Variants in USH2A observed in about 807,000 individuals in gnomAD.
USH2A encodes usherin.
Under a neutral mutation model 538.9 loss-of-function variants are expected in USH2A, and 443 were observed. The ratio of observed to expected loss-of-function variants is 0.82; its 90% CI spans 0.76 to 0.89. USH2A has a LOEUF of 0.89. USH2A is among the 40% of genes least tolerant of loss of function. USH2A has a pLI of 0.00. For missense variants in USH2A, 6,633 were observed against 6,324.8 expected (o/e 1.05, Z -1.65); for synonymous variants, 2,413 against 2,273.5 (o/e 1.06, Z -1.75).
At chr1:216,342,061 C>G (rs547167857) in intron 4 of USH2A, among the ~76,000 whole-genome samples, 1 of 152,200 alleles carries the variant, frequency 6.6e-6, no homozygotes, top group African/African-American at 2.4e-5. Flanking sequence ...GAGTAGGCAA[C>G]CTACAGAATG....
chr1:216,398,349 CGTT>C (rs972950026), intron 3 of USH2A, among the ~76,000 whole-genome samples: 89 of 152,248 alleles, frequency 5.8e-4, no homozygotes, highest in African/African-American at 2.0e-3. Flanking sequence ...CCCTAGTTTT[CGTT>C]GTTGTTTTAA....
chr1:216,031,597 A>G (rs1213756073), intron 32 of USH2A, among the ~76,000 whole-genome samples: 1 of 152,100 alleles, frequency 6.6e-6, no homozygotes, highest in African/African-American at 2.4e-5. Context: ...AGCTACACAG[A>G]CTCAGTCTTC....
intron 21 of USH2A, among the ~76,000 whole-genome samples, chr1:216,149,062 C>T (rs1249259862): frequency 6.6e-6 from 1 of 152,114 alleles, no homozygotes; most frequent in Non-Finnish European, 1.5e-5. Flanking sequence ...TTCTACAGAA[C>T]AACTCCTTTC....
chr1:216,044,732 C>T (rs1055352601), intron 32 of USH2A, among the ~76,000 whole-genome samples: 2 of 152,080 alleles, frequency 1.3e-5, no homozygotes, highest in Non-Finnish European at 2.9e-5. Flanking sequence ...TCAACACAGC[C>T]GGAATGCTTG....
intron 11 of USH2A, among the ~76,000 whole-genome samples, chr1:216,280,935 T>C (rs921879426): frequency 1.3e-5 from 2 of 152,188 alleles, no homozygotes; most frequent in African/African-American, 2.4e-5. Flanking sequence ...AGGATTGAAA[T>C]TGCATGAATT....
In USH2A at chr1:216,150,967, A is replaced by C. The variant is rs577919234; in HGVS notation, c.4627+24285T>G. ...TACTGACAAACTTAAAAACATTAGC[A>C]GTAATTATTGCTTAGGAAGACACGT... On this transcript the variant is annotated intron_variant, in intron 21 of 71. Transcript: ENST00000307340. Among the ~76,000 whole-genome samples, 5 of 152,128 alleles carry C rather than the reference A, an allele frequency of 3.3e-5. No individual in the cohort carries two copies. The East Asian group carries it at 9.7e-4, about 29-fold the overall frequency.
chr1:215,824,793 C>G (rs1225795521), intron 47 of USH2A, among the ~76,000 whole-genome samples: 1 of 152,112 alleles, frequency 6.6e-6, no homozygotes, highest in Non-Finnish European at 1.5e-5. Context: ...TCGCACTTTT[C>G]CAGTGCAGAA....
Position 215,970,736 on chromosome 1 carries a change from T to C in USH2A, c.6846A>G (p.Leu2282=), listed in dbSNP as rs1340194602. The change falls in exon 36 of 72, where the codon TTA becomes TTG. Residue 2282 remains leucine, a synonymous_variant. Transcript: ENST00000307340. Reference sequence around the variant, plus strand: ...AGCTGAGTTCTGAGGAATTGTGGATTAATATACCATCTAGATATAATCCAT... The same window carrying C: ...AGCTGAGTTCTGAGGAATTGTGGATCAATATACCATCTAGATATAATCCAT... ...TSYGLYLDGI[L]IHNSSELSYR... is the part of the protein sequence containing the mutation. The C allele has an allele frequency of 1.9e-6, 3 of 1,613,650 alleles. No homozygotes were observed. The highest frequency in any genetic ancestry group is 3.3e-4 in the Middle Eastern group (2 of 6,056).
chr1:215,637,987 A>G (rs1656550956), intron 69 of USH2A, among the ~76,000 whole-genome samples: 1 of 152,192 alleles, frequency 6.6e-6, no homozygotes, highest in Non-Finnish European at 1.5e-5. Flanking sequence ...ACTATGAGTA[A>G]AACTCAGTTT....
At chr1:215,709,455 CA>C (rs1199153095) in intron 61 of USH2A, among the ~76,000 whole-genome samples, 1 of 151,978 alleles carries the variant, frequency 6.6e-6, no homozygotes, top group Non-Finnish European at 1.5e-5. Context: ...CTTCCTTCAG[CA>C]AACCTATTAT....
intron 70 of USH2A, among the ~76,000 whole-genome samples, chr1:215,630,625 G>C (rs1394746137): frequency 6.7e-6 from 1 of 150,318 alleles, no homozygotes; most frequent in African/African-American, 2.4e-5. Context: ...GGCCAAGACG[G>C]GTGGATCATT....
rs79396107 is a variant in USH2A, at chr1:215,670,738, G to C, written c.14133+234C>G. On this transcript the variant is annotated intron_variant, in intron 64 of 71. Coordinates refer to ENST00000307340, the MANE Select transcript of USH2A (RefSeq NM_206933.4). ...CTAATAAGAAATGCAAATTCACCTG[G>C]AATCTACTTAAGAAAAACAACGTAT... is the stretch of plus-strand genomic sequence containing the variant. 0.029 allele frequency among the ~76,000 whole-genome samples: 4,419 copies of C among 152,114 alleles called. 193 individuals carry two copies. Among genetic ancestry groups the C allele is most frequent in the African/African-American group, 0.098 (4,078 of 41,488 alleles).
intron 38 of USH2A, among the ~76,000 whole-genome samples, chr1:215,930,164 G>C (rs1666328382): frequency 6.6e-6 from 1 of 151,980 alleles, no homozygotes; most frequent in African/African-American, 2.4e-5. Flanking sequence ...TCACAAACCA[G>C]GGTGGCTCCA....
intron 21 of USH2A, among the ~76,000 whole-genome samples, chr1:216,149,300 A>G (rs1378562555): frequency 1.3e-5 from 2 of 152,124 alleles, no homozygotes; most frequent in Non-Finnish European, 2.9e-5. Flanking sequence ...TCTGTCAGAC[A>G]TAATTCCCCG....
chr1:216,263,578 T>A (rs182580309), intron 11 of USH2A, among the ~76,000 whole-genome samples: 1 of 152,264 alleles, frequency 6.6e-6, no homozygotes. Flanking sequence ...CATCCCTTTA[T>A]GCTAAAAACT....
At chr1:215,943,461 A>G (rs1433621266) in intron 37 of USH2A, among the ~76,000 whole-genome samples, 1 of 152,164 alleles carries the variant, frequency 6.6e-6, no homozygotes, top group Non-Finnish European at 1.5e-5. Context: ...AAACTCTAAC[A>G]ATCAGGGAGA....
At chr1:215,835,164 C>CAAAAAAAA (rs34758891) in intron 47 of USH2A, among the ~76,000 whole-genome samples, 1 of 56,118 alleles carries the variant, frequency 1.8e-5, no homozygotes, top group African/African-American at 7.4e-5. Context: ...AGTGATGCAC[C>CAAAAAAAA]AAAAAAAAAA....
intron 46 of USH2A, among the ~76,000 whole-genome samples, chr1:215,842,804 C>T (rs1042969041): frequency 2.6e-5 from 4 of 151,894 alleles, no homozygotes; most frequent in Admixed American, 6.6e-5. Context: ...ACACTGGGGC[C>T]TGTTGGGGGG....
chr1:215,656,650 T>A (rs974729589), intron 64 of USH2A, among the ~76,000 whole-genome samples: 1 of 152,210 alleles, frequency 6.6e-6, no homozygotes, highest in Non-Finnish European at 1.5e-5. Flanking sequence ...ACAAGAGTTG[T>A]ATTAGTAAAA....
Sources: allele counts gnomAD v4.1 joint callset (sites outside exome capture counted in the v4.1 genomes callset), GRCh38; gene constraint gnomAD v4.1.1; transcripts MANE v1.5; gene names NCBI Gene and HGNC (gene_info 2026-07-23, HGNC 2026-07-21).